Variants in DYNC2H1 observed in about 807,000 individuals in gnomAD.
DYNC2H1 encodes the protein cytoplasmic dynein 2 heavy chain 1.
Under a neutral mutation model 570.0 loss-of-function variants are expected in DYNC2H1, and 410 were observed. That is an observed-to-expected ratio of 0.72 (90% CI 0.66 to 0.78). The LOEUF (loss-of-function observed/expected upper bound fraction) is 0.78, where lower values mean the gene tolerates loss of function less well. Among genes scored for constraint, DYNC2H1 ranks in the 30% least tolerant of loss-of-function variants. The pLI is 0.00. For synonymous variants in DYNC2H1, 1,688 were observed against 1,677.6 expected (o/e 1.01, Z -0.15); for missense variants, 4,865 against 5,046.4 (o/e 0.96, Z 1.09).
At chr11:103,288,684 T>TAAAAAAAAAAAA (rs57040929) in intron 75 of DYNC2H1, among the ~76,000 whole-genome samples, 18 of 27,904 alleles carry the variant, frequency 6.5e-4, no homozygotes, top group African/African-American at 7.9e-4. Context: ...CCGTCTCTAC[T>TAAAAAAAAAAAA]AAAAAAAAAA....
intron 87 of DYNC2H1, among the ~76,000 whole-genome samples, chr11:103,457,246 T>C (rs979322346): frequency 1.3e-5 from 2 of 152,218 alleles, no homozygotes; most frequent in African/African-American, 4.8e-5. Context: ...TTTATGTATT[T>C]ACTATATAAT....
At chr11:103,375,154 C>G (rs1941340019) in intron 83 of DYNC2H1, among the ~76,000 whole-genome samples, 1 of 152,198 alleles carries the variant, frequency 6.6e-6, no homozygotes, top group South Asian at 2.1e-4. Context: ...GTGCAAGCCT[C>G]AAGCCTTGGC....
chr11:103,359,208 C>CT (rs1940511351), intron 83 of DYNC2H1, among the ~76,000 whole-genome samples: 1 of 152,226 alleles, frequency 6.6e-6, no homozygotes, highest in Non-Finnish European at 1.5e-5. Context: ...ACTTATATCT[C>CT]TGTTTTTTAT....
chr11:103,395,512 CACACT>C lies in DYNC2H1; in HGVS notation c.12157-4150_12157-4146del, dbSNP rs1942362289. ...ATATGTACACACACACACACACACA[CACACT>C]TCTCTGTATTGGCACCATTTTTCAT... On this transcript the variant is annotated intron_variant, in intron 83 of 88. Coordinates refer to ENST00000375735, the MANE Select transcript of DYNC2H1 (RefSeq NM_001377.3). This position sits in a 1 kb window ranked among gnomAD's most constrained non-coding sequence, Gnocchi z 4.3. Among the ~76,000 whole-genome samples, 1 of 148,422 alleles carries C rather than the reference CACACT, an allele frequency of 6.7e-6. No individual in the cohort carries two copies. The highest frequency in any genetic ancestry group is 1.5e-5 in the Non-Finnish European group (1 of 66,868).
In DYNC2H1 at chr11:103,309,168, ATTTTTTTTT is replaced by A. The variant is rs386374721; in HGVS notation, c.11493+1353_11493+1361del. On this transcript the variant is annotated intron_variant, in intron 78 of 88. Coordinates refer to ENST00000375735, the MANE Select transcript of DYNC2H1 (RefSeq NM_001377.3). ...TTATTAGTGTTTGTAACTGCATGCTATTTTTTTTTTTTTTTTTTTTTTTTGAGATGGGGT... is the reference window on the plus strand; with the variant it reads ...TTATTAGTGTTTGTAACTGCATGCTATTTTTTTTTTTTTTTGAGATGGGGT... 7.3e-5 allele frequency among the ~76,000 whole-genome samples: 4 copies of A among 54,620 alleles called. 1 individual carries two copies. Among genetic ancestry groups the A allele is most frequent in the South Asian group, 7.0e-4 (1 of 1,420 alleles). 35.8% of individuals were successfully genotyped at this position (54,620 alleles called of 152,430 possible). A position where few individuals can be genotyped will look rare whatever the true frequency, so the allele number is the denominator to read the frequency against.
intron 85 of DYNC2H1, among the ~76,000 whole-genome samples, chr11:103,437,438 G>A (rs535112007): frequency 6.6e-6 from 1 of 152,024 alleles, no homozygotes; most frequent in East Asian, 1.9e-4. Flanking sequence ...TCCTTTGAAG[G>A]CACCAGGACT....
intron 82 of DYNC2H1, among the ~76,000 whole-genome samples, chr11:103,328,004 C>A (rs962740374): frequency 1.3e-5 from 2 of 152,154 alleles, no homozygotes; most frequent in Non-Finnish European, 2.9e-5. Flanking sequence ...AAGATAGACG[C>A]CCATGTTGTT....
At chr11:103,130,917 A>G (rs1007397921) in intron 13 of DYNC2H1, among the ~76,000 whole-genome samples, 1 of 152,188 alleles carries the variant, frequency 6.6e-6, no homozygotes, top group African/African-American at 2.4e-5. Context: ...GTTCTGTATG[A>G]TGCTCTACTC....
chr11:103,436,070 G>A, intron 85 of DYNC2H1, 38 bp downstream of exon 85: 1 of 1,568,686 alleles, frequency 6.4e-7, no homozygotes, highest in Non-Finnish European at 8.8e-7. Context: ...TTGTCTGACT[G>A]TGTGACTATT....
chr11:103,250,174 A>G (rs11225630), intron 65 of DYNC2H1, among the ~76,000 whole-genome samples: 5,788 of 152,010 alleles, frequency 0.038, 363 homozygotes, highest in African/African-American at 0.13. Flanking sequence ...TGTTTTATCT[A>G]AATTATCACA....
intron 17 of DYNC2H1, among the ~76,000 whole-genome samples, chr11:103,139,225 C>T (rs1478083737): frequency 4.6e-5 from 7 of 151,968 alleles, no homozygotes; most frequent in Admixed American, 3.3e-4. Context: ...CAGTTCTGCT[C>T]AGATTTTAGT....
At chr11:103,457,283 C>CTCCTTCTAATTATAT (rs1404469848) in intron 87 of DYNC2H1, among the ~76,000 whole-genome samples, 1 of 152,068 alleles carries the variant, frequency 6.6e-6, no homozygotes, top group Non-Finnish European at 1.5e-5. Flanking sequence ...TTAGAGTGTA[C>CTCCTTCTAATTATAT]TCCTTCTAAT....
Position 103,209,702 on chromosome 11 carries a change from A to G in DYNC2H1, c.8455-174A>G, listed in dbSNP as rs1215185764. Among the ~76,000 whole-genome samples, 1 of 151,998 alleles carries G rather than the reference A, an allele frequency of 6.6e-6. No individual in the cohort carries two copies. Among genetic ancestry groups the G allele is most frequent in the Non-Finnish European group, 1.5e-5 (1 of 67,902 alleles). ...CAGTTAATGGTTGATGTGTGTCAAA[A>G]TGTTGTCTTGGAAATCATTTCTTCT... On this transcript the variant is annotated intron_variant, in intron 52 of 88. Transcript: ENST00000375735. This position sits in a 1 kb window ranked among gnomAD's most constrained non-coding sequence, Gnocchi z 4.2.
chr11:103,290,080 G>T (rs896527196), intron 75 of DYNC2H1, among the ~76,000 whole-genome samples: 1 of 152,102 alleles, frequency 6.6e-6, no homozygotes, highest in East Asian at 1.9e-4. Context: ...GCACACTCTT[G>T]TCCAGTATGA....
In DYNC2H1 at chr11:103,120,680, T is replaced by C. The variant is rs1319859397; in HGVS notation, c.1135-9T>C. 4 of 1,609,780 alleles carry C rather than the reference T, an allele frequency of 2.5e-6. No individual in the cohort carries two copies. The highest frequency in any genetic ancestry group is 4.5e-5 in the East Asian group (2 of 44,778). On this transcript the variant is annotated splice_polypyrimidine_tract_variant and intron_variant, in intron 7 of 88. Coordinates refer to ENST00000375735, the MANE Select transcript of DYNC2H1 (RefSeq NM_001377.3). ...TACTAAAGTCTAACAATGTTGTTAA[T>C]GTATGTAGCCCTTGTGGAAAGCTGC...
At chr11:103,297,743 T>C (rs1866894502) in intron 75 of DYNC2H1, among the ~76,000 whole-genome samples, 1 of 152,128 alleles carries the variant, frequency 6.6e-6, no homozygotes, top group South Asian at 2.1e-4. Context: ...TCTTTCTTTC[T>C]ATACTCAATC....
At chr11:103,343,920 A>G (rs940859955) in intron 82 of DYNC2H1, among the ~76,000 whole-genome samples, 1 of 152,176 alleles carries the variant, frequency 6.6e-6, no homozygotes, top group Non-Finnish European at 1.5e-5. Context: ...CTTATTTAAG[A>G]CTATACACTT....
At chr11:103,237,578 A>G (rs1185649911) in intron 63 of DYNC2H1, among the ~76,000 whole-genome samples, 1 of 151,980 alleles carries the variant, frequency 6.6e-6, no homozygotes, top group African/African-American at 2.4e-5. Flanking sequence ...TATTTTCACA[A>G]TGGAATCACA....
chr11:103,199,621 GTCTTT>G lies in DYNC2H1; in HGVS notation c.8088+146_8088+150del. On this transcript the variant is annotated intron_variant, in intron 49 of 88. Coordinates refer to ENST00000375735, the MANE Select transcript of DYNC2H1 (RefSeq NM_001377.3). The surrounding 1 kb of genome is among the most constrained non-coding windows in gnomAD (Gnocchi z 4.6). ...CTAAAGTTCTCTGTTATACAATGTA[GTCTTT>G]ATTTTAATTTAGATTATTTTTTCCA... 1 of 733,858 alleles carries G rather than the reference GTCTTT, an allele frequency of 1.4e-6. No individual in the cohort carries two copies. The highest frequency in any genetic ancestry group is 1.9e-6 in the Non-Finnish European group (1 of 513,076). The allele number at this position is 733,858 out of a possible 1,614,324, so 45.5% of individuals were successfully genotyped here. A position where few individuals can be genotyped will look rare whatever the true frequency, so the allele number is the denominator to read the frequency against.
Sources: gnomAD v4.1 joint callset for allele counts (sites outside exome capture counted in the v4.1 genomes callset) on GRCh38, gnomAD v4.1.1 for gene constraint, Gnocchi (gnomAD v3.1) non-coding constraint, MANE v1.5 for transcripts, NCBI Gene and HGNC (gene_info 2026-07-23, HGNC 2026-07-21) for gene names.